The following EFCAB11 variants were observed in gnomAD, a reference collection of about 807,000 sequenced individuals.
EFCAB11 encodes EF-hand calcium-binding domain-containing protein 11.
In EFCAB11, 14 loss-of-function variants were observed where a neutral mutation model predicts 23.0. The ratio of observed to expected loss-of-function variants is 0.61; its 90% CI spans 0.40 to 0.95. EFCAB11 has a LOEUF of 0.95. Ranked by LOEUF, EFCAB11 falls within the 40% of genes least tolerant of loss-of-function variation. EFCAB11 has a pLI of 0.00. For missense variants in EFCAB11, 198 were observed against 195.8 expected (o/e 1.01, Z -0.07); for synonymous variants, 65 against 66.6 (o/e 0.98, Z 0.11).
intron 5 of EFCAB11, among the ~76,000 whole-genome samples, chr14:89,845,641 C>T (rs1170026571): frequency 1.3e-5 from 2 of 152,178 alleles, no homozygotes; most frequent in Non-Finnish European, 2.9e-5. Context: ...AGAGGATTAA[C>T]TTCTGCGGGG....
chr14:89,887,937 T>A (rs542468621), intron 5 of EFCAB11, among the ~76,000 whole-genome samples: 6 of 127,590 alleles, frequency 4.7e-5, no homozygotes, highest in African/African-American at 2.7e-4. Context: ...TCTAAAAAAA[T>A]AATCTAAAGT....
chr14:89,852,632 A>G (rs115233409), intron 5 of EFCAB11, among the ~76,000 whole-genome samples: 153 of 152,268 alleles, frequency 1.0e-3, no homozygotes, highest in African/African-American at 3.6e-3. Flanking sequence ...AAATTATGAA[A>G]ACTTAACGAC....
At chr14:89,906,781 C>T (rs1410259634) in intron 5 of EFCAB11, among the ~76,000 whole-genome samples, 1 of 152,078 alleles carries the variant, frequency 6.6e-6, no homozygotes, top group Middle Eastern at 3.2e-3. Context: ...GAAGGAAAAT[C>T]CCAAGTCAGT....
At chr14:89,842,855 C>A (rs936407846) in intron 5 of EFCAB11, among the ~76,000 whole-genome samples, 2 of 152,140 alleles carry the variant, frequency 1.3e-5, no homozygotes, top group East Asian at 3.8e-4. Context: ...GCCCTCTGCA[C>A]ATGATTTTCC....
chr14:89,950,245 C>T, intron 2 of EFCAB11, 103 bp from the exon 3 acceptor site: 1 of 1,269,994 alleles, frequency 7.9e-7, no homozygotes, highest in Non-Finnish European at 1.1e-6. Flanking sequence ...TTATGAGAAA[C>T]CAAGTCTGTT....
intron 5 of EFCAB11, among the ~76,000 whole-genome samples, chr14:89,881,452 C>CATTATATATATATATATATATATATATAT (rs1888595586): frequency 2.1e-5 from 1 of 46,710 alleles, no homozygotes; most frequent in African/African-American, 7.2e-5. Flanking sequence ...TATGACTTGG[C>CATTATATATATATATATATATATATATAT]ATATATATAT....
intron 5 of EFCAB11, among the ~76,000 whole-genome samples, chr14:89,821,401 C>T (rs565408020): frequency 6.6e-6 from 1 of 152,258 alleles, no homozygotes; most frequent in South Asian, 2.1e-4. Context: ...TAAAACCAGT[C>T]TTTCTCCCCT....
chr14:89,858,276 C>A (rs961781353), intron 5 of EFCAB11, among the ~76,000 whole-genome samples: 1 of 152,162 alleles, frequency 6.6e-6, no homozygotes, highest in Non-Finnish European at 1.5e-5. Context: ...TGAGCCACCT[C>A]GGAAGCCTTC....
chr14:89,939,627 TA>T (rs1890720866), intron 3 of EFCAB11, among the ~76,000 whole-genome samples: 1 of 152,202 alleles, frequency 6.6e-6, no homozygotes, highest in Non-Finnish European at 1.5e-5. Context: ...ACACCTCCTC[TA>T]GGGGGCAGTG....
intron 5 of EFCAB11, among the ~76,000 whole-genome samples, chr14:89,924,957 A>C (rs1890143024): frequency 2.0e-5 from 3 of 152,250 alleles, no homozygotes; most frequent in South Asian, 2.1e-4. Context: ...ATAAGTCCAT[A>C]AACTCAAAGA....
At chr14:89,942,889 T>A (rs183352695) in intron 3 of EFCAB11, among the ~76,000 whole-genome samples, 1 of 152,200 alleles carries the variant, frequency 6.6e-6, no homozygotes, top group Non-Finnish European at 1.5e-5. Flanking sequence ...TCTATTGAAA[T>A]GACCTACTTT....
chr14:89,847,902 G>C (rs1381833076), intron 5 of EFCAB11, among the ~76,000 whole-genome samples: 2 of 152,148 alleles, frequency 1.3e-5, no homozygotes, highest in Non-Finnish European at 2.9e-5. Flanking sequence ...TTCAGAATGA[G>C]AGCAATCATA....
intron 5 of EFCAB11, among the ~76,000 whole-genome samples, chr14:89,843,439 T>G (rs1887333780): frequency 6.6e-6 from 1 of 152,206 alleles, no homozygotes; most frequent in African/African-American, 2.4e-5. Flanking sequence ...ATAGCTAGAT[T>G]CTCTCCTGCT....
intron 4 of EFCAB11, among the ~76,000 whole-genome samples, chr14:89,932,287 CAA>C (rs1454591471): frequency 6.6e-6 from 1 of 152,102 alleles, no homozygotes; most frequent in Non-Finnish European, 1.5e-5. Context: ...GTCCCCATGA[CAA>C]TCAAGGTACA....
intron 2 of EFCAB11, 42 bp from the exon 3 acceptor site, chr14:89,950,184 C>A (rs371301714): frequency 1.3e-6 from 2 of 1,519,818 alleles, no homozygotes; most frequent in Non-Finnish European, 1.8e-6. Context: ...AATTTTATCA[C>A]GTTTTCACAG....
At chr14:89,801,222 T>A (rs527270991) in intron 5 of EFCAB11, among the ~76,000 whole-genome samples, 1 of 152,264 alleles carries the variant, frequency 6.6e-6, no homozygotes, top group African/African-American at 2.4e-5. Flanking sequence ...TTCAATTGAC[T>A]GTTACGTTTC....
chr14:89,883,323 G>A (rs959385904), intron 5 of EFCAB11, among the ~76,000 whole-genome samples: 18 of 152,174 alleles, frequency 1.2e-4, no homozygotes, highest in African/African-American at 4.1e-4. Context: ...AAGAAATACT[G>A]CCATTAAGCT....
intron 5 of EFCAB11, among the ~76,000 whole-genome samples, chr14:89,928,669 T>TAA (rs1353096052): frequency 7.0e-6 from 1 of 142,968 alleles, no homozygotes; most frequent in African/African-American, 2.8e-5. Flanking sequence ...ATTATATATA[T>TAA]AATTATGTAT....
intron 5 of EFCAB11, among the ~76,000 whole-genome samples, chr14:89,868,518 A>G (rs1888169080): frequency 6.6e-6 from 1 of 152,228 alleles, no homozygotes; most frequent in South Asian, 2.1e-4. Flanking sequence ...CAGAAAAACT[A>G]TAAAAAGCTC....
Sources: gnomAD v4.1 joint callset for allele counts (sites outside exome capture counted in the v4.1 genomes callset) on GRCh38, gnomAD v4.1.1 for gene constraint, MANE v1.5 for transcripts, NCBI Gene and HGNC (gene_info 2026-07-23, HGNC 2026-07-21) for gene names.